Variants in CRIPT observed in about 807,000 individuals in gnomAD.
The protein encoded by CRIPT is cysteine-rich PDZ-binding protein.
In CRIPT, 20 loss-of-function variants were observed where a neutral mutation model predicts 16.6. That is an observed-to-expected ratio of 1.20 (90% CI 0.85 to 1.75). The LOEUF (loss-of-function observed/expected upper bound fraction) is 1.75, where lower values mean the gene tolerates loss of function less well. Among genes scored for constraint, CRIPT ranks in the 40% most tolerant of loss-of-function variants. CRIPT has a pLI of 0.00. For synonymous variants in CRIPT, 42 were observed against 37.0 expected (o/e 1.14, Z -0.49); for missense variants, 133 against 115.3 (o/e 1.15, Z -0.70).
Position 46,629,514 on chromosome 2 carries a change from G to A in CRIPT, c.*5287G>A, listed in dbSNP as rs1474652109. Among the ~76,000 whole-genome samples, 1 of 152,176 alleles carries A rather than the reference G, an allele frequency of 6.6e-6. No individual in the cohort carries two copies. The highest frequency in any genetic ancestry group is 1.5e-5 in the Non-Finnish European group (1 of 68,026). On this transcript the variant is annotated 3_prime_UTR_variant, in exon 5 of 5. Coordinates refer to ENST00000238892, the MANE Select transcript of CRIPT (RefSeq NM_014171.6). Reference sequence around the variant, plus strand: ...TGCCATAACCCTCTAATCTGGAGCAGTTCCTCAGCTTTTCTTTGTTTTTTA... The same window carrying A: ...TGCCATAACCCTCTAATCTGGAGCAATTCCTCAGCTTTTCTTTGTTTTTTA...
intron 3 of CRIPT, among the ~76,000 whole-genome samples, chr2:46,621,083 C>G (rs1482192355): frequency 6.6e-6 from 1 of 152,196 alleles, no homozygotes; most frequent in South Asian, 2.1e-4. Context: ...ACTGTAATAA[C>G]TATTGAACTA....
In CRIPT at chr2:46,627,568, C is replaced by T. The variant is rs1451409501; in HGVS notation, c.*3341C>T. Among the ~76,000 whole-genome samples, 1 of 151,998 alleles carries T rather than the reference C, an allele frequency of 6.6e-6. No individual in the cohort carries two copies. Among genetic ancestry groups the T allele is most frequent in the Non-Finnish European group, 1.5e-5 (1 of 67,986 alleles). ...AAGCGATTCTCATGCCTCAGCCTCC[C>T]AACCTAACTGGGATTACAGGCACAT... On this transcript the variant is annotated 3_prime_UTR_variant, in exon 5 of 5. Transcript: ENST00000238892.
In CRIPT at chr2:46,627,826, G is replaced by A. The variant is rs898597830; in HGVS notation, c.*3599G>A. ...GGTCCAGTTTGAGTCTTCTGCATAT[G>A]GCTAGACAGCTGTTCCAGCACCATT... is the stretch of plus-strand genomic sequence containing the variant. On this transcript the variant is annotated 3_prime_UTR_variant, in exon 5 of 5. Transcript: ENST00000238892. Among the ~76,000 whole-genome samples the A allele has an allele frequency of 5.9e-5, 9 of 152,262 alleles. No individual in the cohort carries two copies. The East Asian group carries it at 1.7e-3, about 29-fold the overall frequency.
chr2:46,617,979 T>G (rs1259290831), intron 1 of CRIPT, among the ~76,000 whole-genome samples: 3 of 150,972 alleles, frequency 2.0e-5, no homozygotes, highest in Non-Finnish European at 4.4e-5. Context: ...TGTGCCCATG[T>G]GTACTCTAAG....
chr2:46,621,694 G>A (rs1409752158), intron 3 of CRIPT, among the ~76,000 whole-genome samples: 1 of 152,136 alleles, frequency 6.6e-6, no homozygotes, highest in Non-Finnish European at 1.5e-5. Flanking sequence ...GTATATATTT[G>A]CTGAATGAAT....
chr2:46,623,631 C>CATCTGGAA, intron 3 of CRIPT, 133 bp from the exon 4 acceptor site: 1 of 569,728 alleles, frequency 1.8e-6, no homozygotes, highest in East Asian at 3.1e-5. Flanking sequence ...CTGGAATAGG[C>CATCTGGAA]TAAACCCATC....
In CRIPT at chr2:46,617,449, C is replaced by T. The variant is rs1253593479; in HGVS notation, c.16+151C>T. ...CTACCCTACCCTTTGACCATTTTTG[C>T]ACCTCCCAACGACCATACAGTCCTA... On this transcript the variant is annotated intron_variant, in intron 1 of 4. Coordinates refer to ENST00000238892, the MANE Select transcript of CRIPT (RefSeq NM_014171.6). 8.7e-6 allele frequency: 7 copies of T among 803,468 alleles called. No homozygotes were observed. In the Admixed American group the frequency reaches 1.6e-4, roughly 19 times the overall value. The allele number at this position is 803,468 out of a possible 1,614,324, so 49.8% of individuals were successfully genotyped here.
At position 46,624,317 on chromosome 2, in the gene CRIPT, T is replaced by G. The variant is rs1240148620; in HGVS notation, c.*90T>G. The G allele has an allele frequency of 1.3e-6, 1 of 790,504 alleles. No individual in the cohort carries two copies. The allele number at this position is 790,504 out of a possible 1,614,324, so 49.0% of individuals were successfully genotyped here. On this transcript the variant is annotated 3_prime_UTR_variant, in exon 5 of 5. Coordinates refer to ENST00000238892, the MANE Select transcript of CRIPT (RefSeq NM_014171.6). ...AGATGTCAACTTACAGAATAACATG[T>G]TTTAAGATAATTAAGTTTAAACCAG...
In CRIPT at chr2:46,624,289, C is replaced by A. The variant is rs1367641707; in HGVS notation, c.*62C>A. ...TACTTTCTGCCTTGAATTTTCAAGG[C>A]ATAGATGTCAACTTACAGAATAACA... On this transcript the variant is annotated 3_prime_UTR_variant, in exon 5 of 5. Transcript: ENST00000238892. The A allele has an allele frequency of 6.7e-6, 7 of 1,042,276 alleles. No individual in the cohort carries two copies. In the Admixed American group the frequency reaches 8.8e-5, roughly 13 times the overall value. The allele number at this position is 1,042,276 out of a possible 1,614,324, so 64.6% of individuals were successfully genotyped here. A position where few individuals can be genotyped will look rare whatever the true frequency, so the allele number is the denominator to read the frequency against.
chr2:46,627,059 C>CTGACCT lies in CRIPT; in HGVS notation c.*2833_*2838dup, dbSNP rs1670954899. Among the ~76,000 whole-genome samples, 1 of 152,228 alleles carries CTGACCT rather than the reference C, an allele frequency of 6.6e-6. No individual in the cohort carries two copies. Among genetic ancestry groups the CTGACCT allele is most frequent in the African/African-American group, 2.4e-5 (1 of 41,452 alleles). On this transcript the variant is annotated 3_prime_UTR_variant, in exon 5 of 5. Coordinates refer to ENST00000238892, the MANE Select transcript of CRIPT (RefSeq NM_014171.6). ...TGTTGGCCAGCCTGGTCTCGAATTCCTGACCTCAGGTGATCCACCCATCTC... is the reference window on the plus strand; with the variant it reads ...TGTTGGCCAGCCTGGTCTCGAATTCCTGACCTTGACCTCAGGTGATCCACCCATCTC...
chr2:46,619,948 T>A (rs541085427), intron 3 of CRIPT, among the ~76,000 whole-genome samples: 1 of 152,340 alleles, frequency 6.6e-6, no homozygotes, highest in East Asian at 1.9e-4. Context: ...AATTATCTTA[T>A]GAATCAGAGA....
chr2:46,624,396 C>G lies in CRIPT; in HGVS notation c.*169C>G. The G allele has an allele frequency of 2.5e-6, 1 of 393,216 alleles. No individual in the cohort carries two copies. The highest frequency in any genetic ancestry group is 3.8e-5 in the East Asian group (1 of 26,600). The allele number at this position is 393,216 out of a possible 1,614,324, so 24.4% of individuals were successfully genotyped here. A position where few individuals can be genotyped will look rare whatever the true frequency, so the allele number is the denominator to read the frequency against. On this transcript the variant is annotated 3_prime_UTR_variant, in exon 5 of 5. Coordinates refer to ENST00000238892, the MANE Select transcript of CRIPT (RefSeq NM_014171.6). The stretch of plus-strand genomic sequence containing the variant: ...CATGTTCTAAACAGCAACAGTGTAA[C>G]TAGTCTTTTGTTGTAAATGGTTATT...
intron 2 of CRIPT, among the ~76,000 whole-genome samples, chr2:46,619,274 ATATAG>A (rs1235851046): frequency 1.3e-5 from 2 of 152,026 alleles, no homozygotes; most frequent in South Asian, 2.1e-4. Flanking sequence ...TATTAAATAC[ATATAG>A]TAAAGTATGT....
In CRIPT at chr2:46,625,497, A is replaced by G. The variant is rs1261856078; in HGVS notation, c.*1270A>G. On this transcript the variant is annotated 3_prime_UTR_variant, in exon 5 of 5. Transcript: ENST00000238892. ...AACCTGCAGCCTACCGTGGGAAACC[A>G]AAAAAGCATTCCCTATTTCCAACTG... 6.6e-6 allele frequency: 1 copy of G among 151,692 alleles called. No individual in the cohort carries two copies. Among genetic ancestry groups the G allele is most frequent in the Non-Finnish European group, 1.5e-5 (1 of 67,958 alleles). 9.4% of individuals were successfully genotyped at this position (151,692 alleles called of 1,614,324 possible). A position where few individuals can be genotyped will look rare whatever the true frequency, so the allele number is the denominator to read the frequency against.
rs1414341454 is a variant in CRIPT, at chr2:46,624,511, A to G, written c.*284A>G. 4 of 218,474 alleles carry G rather than the reference A, an allele frequency of 1.8e-5. No individual in the cohort carries two copies. Among genetic ancestry groups the G allele is most frequent in the Non-Finnish European group, 3.6e-5 (4 of 111,454 alleles). The allele number at this position is 218,474 out of a possible 1,614,324, so 13.5% of individuals were successfully genotyped here. ...CACTTTTATTTAACATTATTCATAT[A>G]ATTCTCCCCCCACCACTTTATTTAT... On this transcript the variant is annotated 3_prime_UTR_variant, in exon 5 of 5. Transcript: ENST00000238892.
At chr2:46,622,369 CAAAAA>C (rs1239573643) in intron 3 of CRIPT, among the ~76,000 whole-genome samples, 3,915 of 73,800 alleles carry the variant, frequency 0.053, 68 homozygotes, top group Middle Eastern at 0.17. Context: ...GACTCCGTCT[CAAAAA>C]AAAAAAAAAA....
rs1215196569 is a variant in CRIPT, at chr2:46,629,893, T to C, written c.*5666T>C. Among the ~76,000 whole-genome samples, 3 of 152,222 alleles carry C rather than the reference T, an allele frequency of 2.0e-5. No individual in the cohort carries two copies. The highest frequency in any genetic ancestry group is 7.2e-5 in the African/African-American group (3 of 41,452). On this transcript the variant is annotated 3_prime_UTR_variant, in exon 5 of 5. Coordinates refer to ENST00000238892, the MANE Select transcript of CRIPT (RefSeq NM_014171.6). The stretch of plus-strand genomic sequence containing the variant: ...AGGTTTAGCATCCTTTGACGATTCT[T>C]GTCTGAATAAATTTTTACTAGGATG...
chr2:46,619,075 A>G (rs1333859161), intron 2 of CRIPT, among the ~76,000 whole-genome samples: 1 of 152,190 alleles, frequency 6.6e-6, no homozygotes, highest in Non-Finnish European at 1.5e-5. Context: ...AGTGATGGCA[A>G]TATCACAGTA....
rs116324685 is a variant in CRIPT, at chr2:46,629,443, T to C, written c.*5216T>C. Among the ~76,000 whole-genome samples the C allele has an allele frequency of 1.9e-3, 295 of 152,346 alleles. 1 individual carries two copies. The highest frequency in any genetic ancestry group is 6.9e-3 in the African/African-American group (287 of 41,582). The stretch of plus-strand genomic sequence containing the variant: ...TCAATTTCATTTGCTGTTTTATTGG[T>C]AATTTTTTTCAGCTCCACGATCCAG... On this transcript the variant is annotated 3_prime_UTR_variant, in exon 5 of 5. Coordinates refer to ENST00000238892, the MANE Select transcript of CRIPT (RefSeq NM_014171.6).
Sources: gnomAD v4.1 joint callset for allele counts (sites outside exome capture counted in the v4.1 genomes callset) on GRCh38, gnomAD v4.1.1 for gene constraint, MANE v1.5 for transcripts, NCBI Gene and HGNC (gene_info 2026-07-23, HGNC 2026-07-21) for gene names.